The following PCDH11Y variants were observed in gnomAD, a reference collection of about 807,000 sequenced individuals.
The protein encoded by PCDH11Y is protocadherin-11 Y-linked.
For missense variants in PCDH11Y, 12 were observed against 224.8 expected (o/e 0.05, Z 6.05); for synonymous variants, 9 against 83.6 (o/e 0.11, Z 4.87).
intron 2 of PCDH11Y, among the ~76,000 whole-genome samples, chrY:5,244,393 T>C: frequency 6.1e-5 from 2 of 32,784 alleles, no homozygotes; most frequent in Non-Finnish European, 1.5e-4. Flanking sequence ...AAAAGAACCA[T>C]AACAGCATGC....
At chrY:5,652,822 A>G in intron 4 of PCDH11Y, among the ~76,000 whole-genome samples, 2 of 31,988 alleles carry the variant, frequency 6.3e-5, no homozygotes, top group Non-Finnish European at 1.5e-4. Context: ...GACAATAAAT[A>G]TATAAGATAA....
At chrY:5,613,170 C>T in intron 4 of PCDH11Y, among the ~76,000 whole-genome samples, 1 of 31,890 alleles carries the variant, frequency 3.1e-5, no homozygotes, top group Non-Finnish European at 7.6e-5. Context: ...CCGGCTGCTC[C>T]CTTAATTTTT....
intron 2 of PCDH11Y, among the ~76,000 whole-genome samples, chrY:5,125,632 A>G: frequency 1.8e-4 from 6 of 33,388 alleles, no homozygotes; most frequent in Non-Finnish European, 4.4e-4. Flanking sequence ...TTTAGTTTCT[A>G]CAAATTCATT....
At chrY:5,216,583 T>C in intron 2 of PCDH11Y, among the ~76,000 whole-genome samples, 1 of 32,566 alleles carries the variant, frequency 3.1e-5, no homozygotes, top group African/African-American at 1.2e-4. Context: ...TATTGTATAA[T>C]TTTCTTAATG....
intron 2 of PCDH11Y, among the ~76,000 whole-genome samples, chrY:5,348,954 C>A (rs372063853): frequency 0.039 from 1,214 of 31,436 alleles, no homozygotes; most frequent in Middle Eastern, 0.28. Flanking sequence ...CAGAGAGAAA[C>A]CCTGTCTCTA....
intron 2 of PCDH11Y, among the ~76,000 whole-genome samples, chrY:5,118,178 G>A: frequency 3.1e-5 from 1 of 32,028 alleles, no homozygotes; most frequent in Non-Finnish European, 7.6e-5. Context: ...TCTTCTAATA[G>A]GAACAAATTT....
At chrY:5,039,914 GAT>G (rs2052604635) in intron 3 of PCDH11Y, among the ~76,000 whole-genome samples, 1 of 32,362 alleles carries the variant, frequency 3.1e-5, no homozygotes, top group Non-Finnish European at 7.5e-5. Flanking sequence ...GAGGCCAGTG[GAT>G]CATGAGGTCA....
chrY:5,222,226 A>G, intron 2 of PCDH11Y, among the ~76,000 whole-genome samples: 1 of 33,229 alleles, frequency 3.0e-5, no homozygotes, highest in African/African-American at 1.2e-4. Flanking sequence ...TATCAGGCAT[A>G]TTGACTATAA....
intron 2 of PCDH11Y, among the ~76,000 whole-genome samples, chrY:5,132,108 C>CTTTA (rs2052834947): frequency 3.0e-5 from 1 of 32,877 alleles, no homozygotes; most frequent in African/African-American, 1.2e-4. Flanking sequence ...TGTTTTGTAA[C>CTTTA]ACCTGCTTTA....
At chrY:5,601,506 A>G in intron 4 of PCDH11Y, among the ~76,000 whole-genome samples, 2 of 32,514 alleles carry the variant, frequency 6.2e-5, no homozygotes. Context: ...ATATTCATTC[A>G]GTGAATTTCT....
chrY:5,352,672 A>C (rs2124670457), intron 2 of PCDH11Y, among the ~76,000 whole-genome samples: 1 of 33,430 alleles, frequency 3.0e-5, no homozygotes, highest in South Asian at 6.6e-4. Context: ...TATATGTGTA[A>C]AATTTCTATT....
At chrY:5,544,132 G>A in intron 3 of PCDH11Y, among the ~76,000 whole-genome samples, 3 of 33,119 alleles carry the variant, frequency 9.1e-5, no homozygotes, top group Admixed American at 5.5e-4. Context: ...CTTCTAATCA[G>A]TTTACAAAGT....
At chrY:5,144,435 A>G in intron 2 of PCDH11Y, among the ~76,000 whole-genome samples, 1 of 32,527 alleles carries the variant, frequency 3.1e-5, no homozygotes, top group Non-Finnish European at 7.6e-5. Context: ...GTATAATTTC[A>G]TAATCTGAGT....
At chrY:5,508,338 A>G in intron 3 of PCDH11Y, among the ~76,000 whole-genome samples, 1 of 33,001 alleles carries the variant, frequency 3.0e-5, no homozygotes, top group African/African-American at 1.2e-4. Flanking sequence ...AAGATGCCCA[A>G]TAGAGAATAG....
At chrY:5,279,050 TAG>T (rs2053048002) in intron 2 of PCDH11Y, among the ~76,000 whole-genome samples, 4 of 33,091 alleles carry the variant, frequency 1.2e-4, no homozygotes, top group African/African-American at 4.7e-4. Flanking sequence ...CCATGTTTAA[TAG>T]AGTCATTGCT....
At chrY:5,245,217 C>T in intron 2 of PCDH11Y, among the ~76,000 whole-genome samples, 9 of 32,552 alleles carry the variant, frequency 2.8e-4, no homozygotes, top group Admixed American at 5.5e-4. Flanking sequence ...AGTAGGATTC[C>T]CCCCAATAAA....
At chrY:5,398,837 T>C (rs2053229682) in intron 2 of PCDH11Y, among the ~76,000 whole-genome samples, 1 of 33,991 alleles carries the variant, frequency 2.9e-5, no homozygotes, top group Non-Finnish European at 7.3e-5. Flanking sequence ...GTACCCCTAA[T>C]GACTGTCAGA....
chrY:5,296,648 G>A, intron 2 of PCDH11Y, among the ~76,000 whole-genome samples: 1 of 31,977 alleles, frequency 3.1e-5, no homozygotes, highest in Non-Finnish European at 7.6e-5. Context: ...GTGGCCAGCA[G>A]TACACCAGTC....
chrY:5,716,540 C>T (rs2053590051), intron 4 of PCDH11Y, among the ~76,000 whole-genome samples: 1 of 32,363 alleles, frequency 3.1e-5, no homozygotes, highest in African/African-American at 1.2e-4. Flanking sequence ...AGTAAAAGAT[C>T]GCTATAATAA....
Sources: allele counts gnomAD v4.1 joint callset (sites outside exome capture counted in the v4.1 genomes callset), GRCh38; gene constraint gnomAD v4.1.1; transcripts MANE v1.5; gene names NCBI Gene and HGNC (gene_info 2026-07-23, HGNC 2026-07-21).